Variants in TMEM132B observed in about 807,000 individuals in gnomAD.
TMEM132B encodes the protein transmembrane protein 132B.
TMEM132B carries 18 observed loss-of-function variants against 90.8 expected under a neutral mutation model. The observed-to-expected ratio is 0.20, with a 90% CI of 0.14 to 0.29. The LOEUF is 0.29. Among genes scored for constraint, TMEM132B ranks in the 10% least tolerant of loss-of-function variants. TMEM132B has a pLI of 1.00. For synonymous variants in TMEM132B, 504 were observed against 523.3 expected, an observed-to-expected ratio of 0.96 and a Z score of 0.50; for missense variants, 1,096 against 1,326.8, an observed-to-expected ratio of 0.83 and a Z score of 2.70.
intron 4 of TMEM132B, among the ~76,000 whole-genome samples, chr12:125,564,906 A>G (rs973742782): frequency 9.2e-5 from 14 of 152,300 alleles, no homozygotes; most frequent in Middle Eastern, 3.4e-3. Context: ...GAAGCGGTTG[A>G]TTCTGACTGT....
rs71458902 is a variant in TMEM132B, at chr12:125,259,211, G to T, written c.67+72345G>T. Among the ~76,000 whole-genome samples, 1,474 of 152,278 alleles carry T rather than the reference G, an allele frequency of 9.7e-3. 5 individuals carry two copies. The highest frequency in any genetic ancestry group is 0.024 in the South Asian group (116 of 4,824). On this transcript the variant is annotated intron_variant, in intron 1 of 8. Coordinates refer to ENST00000682704, the MANE Select transcript of TMEM132B (RefSeq NM_001366854.1). The stretch of plus-strand genomic sequence containing the variant: ...TGAAATTATTTGTCTACTTCTTGAT[G>T]CTTTGTCTCCCCCACTAGATTAAAA...
intron 1 of TMEM132B, among the ~76,000 whole-genome samples, chr12:125,308,611 A>C (rs1367345178): frequency 6.6e-6 from 1 of 152,320 alleles, no homozygotes; most frequent in East Asian, 1.9e-4. Flanking sequence ...CAGGATGTGA[A>C]AAACCTTTCT....
chr12:125,386,354 G>A (rs1371895237), intron 2 of TMEM132B, among the ~76,000 whole-genome samples: 1 of 152,170 alleles, frequency 6.6e-6, no homozygotes, highest in Admixed American at 6.5e-5. Context: ...AAGGTCAGAT[G>A]GCTTTCAAGG....
intron 3 of TMEM132B, among the ~76,000 whole-genome samples, chr12:125,424,090 C>T (rs79645129): frequency 6.6e-6 from 1 of 152,290 alleles, no homozygotes; most frequent in South Asian, 2.1e-4. Flanking sequence ...ATATTCTATT[C>T]ATTCCCCATA....
chr12:125,419,486 C>T (rs1028402386), intron 3 of TMEM132B, among the ~76,000 whole-genome samples: 4 of 152,186 alleles, frequency 2.6e-5, no homozygotes, highest in African/African-American at 9.7e-5. Flanking sequence ...CATGAGACTT[C>T]TTCACTATCA....
chr12:125,330,294 C>T (rs961302545), intron 1 of TMEM132B, among the ~76,000 whole-genome samples: 2 of 150,166 alleles, frequency 1.3e-5, no homozygotes, highest in African/African-American at 4.9e-5. Flanking sequence ...AACAAAGAAT[C>T]TGGTCCCATA....
chr12:125,635,475 C>T (rs369759565), intron 5 of TMEM132B, among the ~76,000 whole-genome samples: 2 of 152,286 alleles, frequency 1.3e-5, no homozygotes, highest in South Asian at 2.1e-4. Flanking sequence ...ACAAACTCAT[C>T]CTTTCTTATG....
At chr12:125,473,444 A>G (rs1002805458) in intron 3 of TMEM132B, among the ~76,000 whole-genome samples, 35 of 152,186 alleles carry the variant, frequency 2.3e-4, no homozygotes, top group African/African-American at 8.4e-4. Context: ...GGTAGATGAT[A>G]TGCTTGTTTT....
intron 1 of TMEM132B, among the ~76,000 whole-genome samples, chr12:125,282,372 G>A (rs1875218972): frequency 6.6e-6 from 1 of 152,132 alleles, no homozygotes. Context: ...CTTCTGCAAG[G>A]ATCAGTTCAG....
chr12:125,586,790 G>C (rs1211393155), intron 5 of TMEM132B: 1 of 152,160 alleles, frequency 6.6e-6, no homozygotes, highest in African/African-American at 2.4e-5. Flanking sequence ...TGGCAATTCG[G>C]CTAGACCAAC....
chr12:125,245,099 C>T (rs1054232977), intron 1 of TMEM132B, among the ~76,000 whole-genome samples: 2 of 152,126 alleles, frequency 1.3e-5, no homozygotes, highest in Admixed American at 6.5e-5. Context: ...GTGGAAAGCC[C>T]GTATCCCTTG....
At chr12:125,320,086 G>T (rs1372685095) in intron 1 of TMEM132B, among the ~76,000 whole-genome samples, 2 of 152,094 alleles carry the variant, frequency 1.3e-5, no homozygotes, top group Non-Finnish European at 2.9e-5. Context: ...GGCCTCCCTT[G>T]CCTGGACTCT....
chr12:125,403,267 T>C (rs1440018313), intron 2 of TMEM132B, among the ~76,000 whole-genome samples: 1 of 152,190 alleles, frequency 6.6e-6, no homozygotes, highest in Non-Finnish European at 1.5e-5. Flanking sequence ...CAGAGTTCTT[T>C]CCCTCCTCCC....
intron 3 of TMEM132B, among the ~76,000 whole-genome samples, chr12:125,494,435 CCG>C (rs1882463686): frequency 1.8e-5 from 2 of 112,048 alleles, no homozygotes; most frequent in Non-Finnish European, 3.7e-5. Context: ...CTGGAAATGG[CCG>C]TGTCCCTCCT....
intron 3 of TMEM132B, among the ~76,000 whole-genome samples, chr12:125,496,915 A>G (rs1442786243): frequency 1.3e-5 from 2 of 152,370 alleles, no homozygotes; most frequent in Middle Eastern, 3.4e-3. Flanking sequence ...TATTCTAGTC[A>G]TGCCTCCCTC....
chr12:125,497,438 A>G (rs1882590398), intron 3 of TMEM132B, among the ~76,000 whole-genome samples: 1 of 152,186 alleles, frequency 6.6e-6, no homozygotes, highest in South Asian at 2.1e-4. Flanking sequence ...TCCTGTCTAC[A>G]TCATTTTATC....
At chr12:125,362,395 T>C (rs1269403448) in intron 2 of TMEM132B, among the ~76,000 whole-genome samples, 2 of 152,168 alleles carry the variant, frequency 1.3e-5, no homozygotes, top group African/African-American at 2.4e-5. Flanking sequence ...TGGAATATTG[T>C]TTTTTAAAAA....
Position 125,415,649 on chromosome 12 carries a change from A to G in TMEM132B, c.1078A>G (p.Met360Val), listed in dbSNP as rs369610871. ...STQTSATLTC[M>V]GHRPDTQSRV... ...TCAGACGTCGGCCACCCTCACCTGC[A>G]TGGGCCATCGCCCGGACACGCAGAG... Residue 360 changes from methionine to valine, a missense_variant, in exon 3 of 9, where the codon ATG becomes GTG. By Grantham distance (21) the Met-to-Val change is conservative. Transcript: ENST00000682704. The surrounding 1 kb of genome is among the most constrained non-coding windows in gnomAD (Gnocchi z 5.3). 1.9e-6 allele frequency: 3 copies of G among 1,614,192 alleles called. No individual in the cohort carries two copies. The highest frequency in any genetic ancestry group is 1.7e-6 in the Non-Finnish European group (2 of 1,180,028).
At chr12:125,308,923 C>T (rs1565998503) in intron 1 of TMEM132B, among the ~76,000 whole-genome samples, 1 of 152,088 alleles carries the variant, frequency 6.6e-6, no homozygotes, top group African/African-American at 2.4e-5. Flanking sequence ...TATTCTTGTG[C>T]ATTTAATTTT....
Sources: gnomAD v4.1 joint callset for allele counts (sites outside exome capture counted in the v4.1 genomes callset) on GRCh38, gnomAD v4.1.1 for gene constraint, Gnocchi (gnomAD v3.1) non-coding constraint, MANE v1.5 for transcripts, NCBI Gene and HGNC (gene_info 2026-07-23, HGNC 2026-07-21) for gene names.